Variants in ENOX1 observed in about 807,000 individuals in gnomAD.
ENOX1 encodes ecto-NOX disulfide-thiol exchanger 1.
In ENOX1, 42 loss-of-function variants were observed where a neutral mutation model predicts 82.5. The ratio of observed to expected loss-of-function variants is 0.51; its 90% CI spans 0.40 to 0.66. ENOX1 has a LOEUF of 0.66. Ranked by LOEUF, ENOX1 falls within the 30% of genes least tolerant of loss-of-function variation. The pLI is 0.00. For synonymous variants in ENOX1, 271 were observed against 282.2 expected, an observed-to-expected ratio of 0.96 and a Z score of 0.40; for missense variants, 608 against 811.6, an observed-to-expected ratio of 0.75 and a Z score of 3.05.
chr13:43,227,458 G>A (rs954202215), intron 15 of ENOX1, among the ~76,000 whole-genome samples: 1 of 152,112 alleles, frequency 6.6e-6, no homozygotes, highest in Non-Finnish European at 1.5e-5. Context: ...GTCTATTATT[G>A]ATAAATGGGA....
intron 2 of ENOX1, among the ~76,000 whole-genome samples, chr13:43,521,094 A>T (rs9562495): frequency 0.35 from 52,963 of 151,720 alleles, 10,961 homozygotes; most frequent in East Asian, 0.81. Context: ...CAGCATACTC[A>T]ACCCTACTCT....
chr13:43,705,296 CA>C, intron 1 of ENOX1, among the ~76,000 whole-genome samples: 1 of 141,476 alleles, frequency 7.1e-6, no homozygotes, highest in African/African-American at 2.6e-5. Context: ...AAAAAACAAA[CA>C]AACAACAACT....
At chr13:43,420,027 C>A (rs1245787929) in intron 3 of ENOX1, among the ~76,000 whole-genome samples, 1 of 152,126 alleles carries the variant, frequency 6.6e-6, no homozygotes, top group Non-Finnish European at 1.5e-5. Flanking sequence ...CAGCAAATTT[C>A]TTATTTTATA....
intron 1 of ENOX1, among the ~76,000 whole-genome samples, chr13:43,730,692 A>G (rs564700986): frequency 6.6e-6 from 1 of 152,248 alleles, no homozygotes; most frequent in East Asian, 1.9e-4. Flanking sequence ...TCCCTAGCAC[A>G]GGTTCCCATC....
chr13:43,227,943 C>T (rs911607675), intron 15 of ENOX1, among the ~76,000 whole-genome samples: 16 of 152,116 alleles, frequency 1.1e-4, no homozygotes, highest in African/African-American at 3.9e-4. Context: ...TGCCTCTCCT[C>T]AGCCCACCTC....
chr13:43,293,112 T>C (rs2046094835), intron 12 of ENOX1, among the ~76,000 whole-genome samples: 1 of 151,266 alleles, frequency 6.6e-6, no homozygotes. Flanking sequence ...CCACAGCCAC[T>C]ACAGCCATTT....
At chr13:43,526,300 A>G (rs1593637005) in intron 2 of ENOX1, among the ~76,000 whole-genome samples, 1 of 152,164 alleles carries the variant, frequency 6.6e-6, no homozygotes, top group South Asian at 2.1e-4. Flanking sequence ...TTGGAGGACT[A>G]GTCACTTTTT....
At chr13:43,685,187 C>T (rs1334338735) in intron 1 of ENOX1, among the ~76,000 whole-genome samples, 2 of 152,168 alleles carry the variant, frequency 1.3e-5, no homozygotes, top group East Asian at 3.9e-4. Flanking sequence ...CAATGGGTCT[C>T]TTCATACTTC....
intron 11 of ENOX1, among the ~76,000 whole-genome samples, chr13:43,311,979 A>C (rs1441110716): frequency 2.0e-5 from 3 of 152,226 alleles, no homozygotes; most frequent in Admixed American, 6.5e-5. Context: ...CTGGTAAATC[A>C]CTACAAGAAA....
intron 2 of ENOX1, among the ~76,000 whole-genome samples, chr13:43,618,975 A>G (rs1050023813): frequency 9.4e-6 from 1 of 106,194 alleles, no homozygotes; most frequent in Non-Finnish European, 1.8e-5. Flanking sequence ...GTATAGTCCT[A>G]AATTTTTTTT....
intron 11 of ENOX1, among the ~76,000 whole-genome samples, chr13:43,321,512 T>C (rs947943282): frequency 1.3e-5 from 2 of 152,238 alleles, no homozygotes; most frequent in Non-Finnish European, 2.9e-5. Flanking sequence ...TTTAGAATCT[T>C]GATTTTGGTT....
intron 3 of ENOX1, chr13:43,459,029 T>C (rs1163324053): frequency 6.6e-6 from 1 of 152,220 alleles, no homozygotes; most frequent in African/African-American, 2.4e-5. Flanking sequence ...TTCAGCTAAA[T>C]GTTTTAAGGA....
intron 3 of ENOX1, among the ~76,000 whole-genome samples, chr13:43,423,352 A>T (rs2055088554): frequency 6.6e-6 from 1 of 152,248 alleles, no homozygotes. Context: ...CAATATTATC[A>T]GTAAACATAA....
chr13:43,253,211 A>G (rs1593543488), intron 14 of ENOX1, among the ~76,000 whole-genome samples: 1 of 152,226 alleles, frequency 6.6e-6, no homozygotes, highest in Admixed American at 6.5e-5. Flanking sequence ...GCCAGGGTCA[A>G]TTTAGAAGGG....
At chr13:43,619,857 A>G (rs2082646468) in intron 2 of ENOX1, among the ~76,000 whole-genome samples, 1 of 152,146 alleles carries the variant, frequency 6.6e-6, no homozygotes. Flanking sequence ...GCCTGGTAGA[A>G]TTCTGCTGTG....
intron 3 of ENOX1, among the ~76,000 whole-genome samples, chr13:43,416,198 ACGGGGCGGC>A (rs2153602252): frequency 1.5e-5 from 2 of 131,638 alleles, no homozygotes; most frequent in African/African-American, 3.1e-5. Flanking sequence ...CACATCCCAG[ACGGGGCGGC>A]TGGGCAGAGG....
intron 2 of ENOX1, among the ~76,000 whole-genome samples, chr13:43,591,229 C>T (rs186396719): frequency 4.1e-4 from 63 of 152,266 alleles, no homozygotes; most frequent in Admixed American, 1.6e-3. Context: ...AAAAACCCAA[C>T]TATGAACAAT....
At chr13:43,451,723 C>G (rs2056977665) in intron 3 of ENOX1, among the ~76,000 whole-genome samples, 1 of 152,176 alleles carries the variant, frequency 6.6e-6, no homozygotes, top group Non-Finnish European at 1.5e-5. Flanking sequence ...TCACAGGTAA[C>G]TACTGTGAAG....
chr13:43,666,569 C>T (rs57962354), intron 2 of ENOX1, among the ~76,000 whole-genome samples: 26 of 152,046 alleles, frequency 1.7e-4, no homozygotes, highest in Non-Finnish European at 1.5e-5. Flanking sequence ...GAAAGGCCTG[C>T]GACAGATTCT....
Sources: gnomAD v4.1 joint callset for allele counts (sites outside exome capture counted in the v4.1 genomes callset) on GRCh38, gnomAD v4.1.1 for gene constraint, MANE v1.5 for transcripts, NCBI Gene and HGNC (gene_info 2026-07-23, HGNC 2026-07-21) for gene names.